RHEX: variants seen among roughly 807,000 people sequenced by gnomAD.
RHEX encodes the protein regulator of hemoglobinization and erythroid cell expansion.
Under a neutral mutation model 20.1 loss-of-function variants are expected in RHEX, and 18 were observed. That is an observed-to-expected ratio of 0.90 (90% CI 0.62 to 1.33). The LOEUF (loss-of-function observed/expected upper bound fraction) is 1.33, where lower values mean the gene tolerates loss of function less well. RHEX is among the 40% of genes most tolerant of loss of function. The pLI is 0.00. For synonymous variants in RHEX, 87 were observed against 77.1 expected, an observed-to-expected ratio of 1.13 and a Z score of -0.67; for missense variants, 192 against 214.3, an observed-to-expected ratio of 0.90 and a Z score of 0.65.
chr1:206,098,112 G>A lies in RHEX; in HGVS notation c.43G>A (p.Ala15Thr), dbSNP rs782181485. 8.7e-6 allele frequency: 14 copies of A among 1,613,518 alleles called. No individual in the cohort carries two copies. Among genetic ancestry groups the A allele is most frequent in the South Asian group, 2.2e-5 (2 of 91,038 alleles). The change falls in exon 3 of 6, where the codon GCG becomes ACG. Residue 15 changes from alanine to threonine, a missense_variant. Physicochemically the swap from Ala to Thr is moderately conservative, Grantham distance 58. Transcript: ENST00000331555. ...VMEVWHGLVI[A>T]VVSLFLQACF... ...GGAGGTCTGGCATGGCTTAGTGATC[G>A]CGGTGGTGTCCCTCTTCCTGCAGGC...
intron 1 of RHEX, among the ~76,000 whole-genome samples, chr1:206,062,524 G>A (rs1242943047): frequency 3.9e-5 from 6 of 152,254 alleles, no homozygotes; most frequent in Admixed American, 2.6e-4. Context: ...AACACCCCAT[G>A]GGTGTCAACT....
At chr1:206,096,781 G>GTTTTTTT (rs1212622253) in intron 1 of RHEX, among the ~76,000 whole-genome samples, 21 of 132,946 alleles carry the variant, frequency 1.6e-4, no homozygotes, top group African/African-American at 2.7e-4. Context: ...TTTTTTTTTG[G>GTTTTTTT]TTTTTTTTTT....
chr1:206,083,740 TTC>T (rs1433933946), intron 1 of RHEX: 2 of 669,500 alleles, frequency 3.0e-6, no homozygotes, highest in Admixed American at 6.3e-5. Flanking sequence ...TTAGAGAGGA[TTC>T]TCTGTTTATG....
At chr1:206,084,836 GCC>G (rs1389988817) in intron 1 of RHEX, among the ~76,000 whole-genome samples, 1 of 152,152 alleles carries the variant, frequency 6.6e-6, no homozygotes, top group Non-Finnish European at 1.5e-5. Context: ...TGAGCACAGG[GCC>G]CTACTAGTCT....
intron 1 of RHEX, among the ~76,000 whole-genome samples, chr1:206,090,910 C>A (rs1185653859): frequency 2.0e-5 from 3 of 152,110 alleles, no homozygotes; most frequent in Non-Finnish European, 4.4e-5. Context: ...CTTTACTGAG[C>A]AATCTCATTA....
intron 1 of RHEX, among the ~76,000 whole-genome samples, chr1:206,072,199 A>G (rs927166772): frequency 1.6e-4 from 24 of 152,244 alleles, no homozygotes; most frequent in African/African-American, 5.8e-4. Context: ...GGAAGAAAGG[A>G]CACATTCAAT....
At chr1:206,099,914 A>G in intron 4 of RHEX, 116 bp downstream of exon 4, 1 of 920,114 alleles carries the variant, frequency 1.1e-6, no homozygotes, top group Non-Finnish European at 1.7e-6. Flanking sequence ...AGGATTCCTC[A>G]CAGCCACATC....
intron 1 of RHEX, among the ~76,000 whole-genome samples, chr1:206,065,192 T>A (rs1662400199): frequency 6.6e-6 from 1 of 152,188 alleles, no homozygotes; most frequent in African/African-American, 2.4e-5. Flanking sequence ...TGTTCACTTG[T>A]TTATCTGCTG....
intron 1 of RHEX, among the ~76,000 whole-genome samples, chr1:206,094,468 T>A (rs1226969759): frequency 1.3e-5 from 2 of 152,244 alleles, no homozygotes; most frequent in African/African-American, 2.4e-5. Flanking sequence ...ACCTAATAAT[T>A]ACTGAGTGCC....
intron 1 of RHEX, among the ~76,000 whole-genome samples, chr1:206,092,065 T>C (rs1021117089): frequency 1.4e-5 from 2 of 147,104 alleles, no homozygotes; most frequent in Non-Finnish European, 2.9e-5. Flanking sequence ...TCTCTCTCTT[T>C]CTCTCTCTTT....
chr1:206,082,422 G>A (rs1553286027), intron 1 of RHEX, among the ~76,000 whole-genome samples: 1 of 151,920 alleles, frequency 6.6e-6, no homozygotes, highest in African/African-American at 2.4e-5. Context: ...GGAGGCTGAG[G>A]CAGGAGAATC....
Position 206,083,470 on chromosome 1 carries a change from C to A in RHEX, c.-96-14263C>A, listed in dbSNP as rs187951377. 8 of 984,488 alleles carry A rather than the reference C, an allele frequency of 8.1e-6. No homozygotes were observed. The Admixed American group carries it at 3.1e-4, about 38-fold the overall frequency. The allele number at this position is 984,488 out of a possible 1,614,324, so 61.0% of individuals were successfully genotyped here. On this transcript the variant is annotated intron_variant, in intron 1 of 5. Transcript: ENST00000331555. The stretch of plus-strand genomic sequence containing the variant: ...CCTTCACCCTGCTGTACTCAACGAG[C>A]GAGATTGCTATCTTCTGAGTGGCAG...
At chr1:206,070,998 A>G (rs1213149585) in intron 1 of RHEX, among the ~76,000 whole-genome samples, 1 of 152,172 alleles carries the variant, frequency 6.6e-6, no homozygotes, top group East Asian at 1.9e-4. Context: ...CGTATATATA[A>G]AGGGGAATTT....
chr1:206,087,507 T>G (rs1230381121), intron 1 of RHEX, among the ~76,000 whole-genome samples: 7 of 152,216 alleles, frequency 4.6e-5, no homozygotes, highest in Admixed American at 2.6e-4. Flanking sequence ...TTTTTGACTT[T>G]TCACATATTA....
chr1:206,074,614 C>G (rs555019279), intron 1 of RHEX, among the ~76,000 whole-genome samples: 4 of 152,180 alleles, frequency 2.6e-5, no homozygotes, highest in Non-Finnish European at 4.4e-5. Flanking sequence ...AGGCCATTTT[C>G]ATCACCCCTA....
intron 3 of RHEX, chr1:206,098,461 C>T: frequency 2.6e-6 from 1 of 387,244 alleles, no homozygotes; most frequent in East Asian, 4.3e-5. Context: ...TTTTGCAATG[C>T]CTACGAGGAA....
At chr1:206,065,981 A>G (rs1553284127) in intron 1 of RHEX, among the ~76,000 whole-genome samples, 1 of 152,258 alleles carries the variant, frequency 6.6e-6, no homozygotes, top group African/African-American at 2.4e-5. Context: ...ACCACTGTTT[A>G]GACTGCCATG....
At chr1:206,087,763 T>C (rs1222034161) in intron 1 of RHEX, among the ~76,000 whole-genome samples, 12 of 152,248 alleles carry the variant, frequency 7.9e-5, no homozygotes, top group African/African-American at 2.2e-4. Flanking sequence ...CTTATTTCAA[T>C]GTCTGAAAAC....
intron 3 of RHEX, 38 bp from the exon 4 acceptor site, chr1:206,099,617 C>T (rs782534894): frequency 6.2e-7 from 1 of 1,605,584 alleles, no homozygotes; most frequent in Admixed American, 1.7e-5. Flanking sequence ...CTGCGCCTGG[C>T]CAGTTTCCAC....
Sources: allele counts gnomAD v4.1 joint callset (sites outside exome capture counted in the v4.1 genomes callset), GRCh38; gene constraint gnomAD v4.1.1; transcripts MANE v1.5; gene names NCBI Gene and HGNC (gene_info 2026-07-23, HGNC 2026-07-21).